The following EXOC4 variants were observed in gnomAD, a reference collection of about 807,000 sequenced individuals.
EXOC4 encodes SEC8-like 1.
EXOC4 carries 71 observed loss-of-function variants against 107.2 expected under a neutral mutation model. The observed-to-expected ratio is 0.66, with a 90% CI of 0.55 to 0.81. The LOEUF (loss-of-function observed/expected upper bound fraction) is 0.81, where lower values mean the gene tolerates loss of function less well. Ranked by LOEUF, EXOC4 falls within the 30% of genes least tolerant of loss-of-function variation. EXOC4 has a pLI of 0.00. For missense variants in EXOC4, 1,108 were observed against 1,189.6 expected, an observed-to-expected ratio of 0.93 and a Z score of 1.01; for synonymous variants, 456 against 441.2, an observed-to-expected ratio of 1.03 and a Z score of -0.42.
chr7:133,278,173 A>G (rs1794042110), intron 2 of EXOC4, among the ~76,000 whole-genome samples: 1 of 152,238 alleles, frequency 6.6e-6, no homozygotes, highest in Non-Finnish European at 1.5e-5. Context: ...TGCAAATGAG[A>G]GGATAGAAAA....
At chr7:133,364,175 G>C (rs1796196413) in intron 6 of EXOC4, among the ~76,000 whole-genome samples, 1 of 151,958 alleles carries the variant, frequency 6.6e-6, no homozygotes, top group Non-Finnish European at 1.5e-5. Context: ...GCTGAGGCTG[G>C]AATGTAGAGG....
rs766091745 is a variant in EXOC4, at chr7:134,029,341, C to T, written c.2687+21506C>T. Among the ~76,000 whole-genome samples, 38 of 152,202 alleles carry T rather than the reference C, an allele frequency of 2.5e-4. 1 individual carries two copies. The highest frequency in any genetic ancestry group is 6.2e-4 in the South Asian group (3 of 4,814). On this transcript the variant is annotated intron_variant, in intron 17 of 17. Coordinates refer to ENST00000253861, the MANE Select transcript of EXOC4 (RefSeq NM_021807.4). The stretch of plus-strand genomic sequence containing the variant: ...GAAAGAAGCCAGTCAAAAGAAACCA[C>T]GCACTTTATAATTTCATTCATATGA...
intron 17 of EXOC4, among the ~76,000 whole-genome samples, chr7:134,029,751 TCTCAAGCAGTC>T (rs1241125659): frequency 6.6e-6 from 1 of 152,056 alleles, no homozygotes; most frequent in Non-Finnish European, 1.5e-5. Flanking sequence ...AAACTCCTAT[TCTCAAGCAGTC>T]CTCCAGTGTC....
chr7:133,587,927 C>T (rs1801444908), intron 9 of EXOC4, among the ~76,000 whole-genome samples: 1 of 151,824 alleles, frequency 6.6e-6, no homozygotes, highest in Non-Finnish European at 1.5e-5. Context: ...TTTTTTTTCC[C>T]CTTAGGGGAG....
At chr7:133,684,056 A>T (rs933633563) in intron 10 of EXOC4, among the ~76,000 whole-genome samples, 1 of 152,132 alleles carries the variant, frequency 6.6e-6, no homozygotes, top group Non-Finnish European at 1.5e-5. Flanking sequence ...TTAAATATTT[A>T]TTGTTCTGCC....
At chr7:133,816,998 T>A (rs1302409561) in intron 10 of EXOC4, among the ~76,000 whole-genome samples, 1 of 152,232 alleles carries the variant, frequency 6.6e-6, no homozygotes, top group Non-Finnish European at 1.5e-5. Flanking sequence ...ATGTGCTTTT[T>A]AATTTCACAA....
intron 10 of EXOC4, among the ~76,000 whole-genome samples, chr7:133,689,553 A>G (rs1794375695): frequency 6.6e-6 from 1 of 152,246 alleles, no homozygotes; most frequent in Non-Finnish European, 1.5e-5. Context: ...ATTATTGCTG[A>G]AGGCAGGCCA....
chr7:133,999,674 A>C (rs1794486105), intron 15 of EXOC4, among the ~76,000 whole-genome samples: 1 of 152,228 alleles, frequency 6.6e-6, no homozygotes, highest in Admixed American at 6.5e-5. Flanking sequence ...TGAGTTACAA[A>C]GGAAAACAAG....
chr7:133,983,693 C>T (rs776242908), intron 14 of EXOC4, among the ~76,000 whole-genome samples: 1 of 148,092 alleles, frequency 6.8e-6, no homozygotes, highest in Non-Finnish European at 1.5e-5. Flanking sequence ...TAAAATTCTG[C>T]TAAGCTTAAA....
At chr7:133,931,749 A>G (rs1585257592) in intron 13 of EXOC4, among the ~76,000 whole-genome samples, 1 of 152,198 alleles carries the variant, frequency 6.6e-6, no homozygotes, top group East Asian at 1.9e-4. Flanking sequence ...TAATTGGAGA[A>G]GCTGTTCGAA....
At chr7:133,715,399 C>T (rs1794979193) in intron 10 of EXOC4, among the ~76,000 whole-genome samples, 1 of 152,056 alleles carries the variant, frequency 6.6e-6, no homozygotes, top group Non-Finnish European at 1.5e-5. Flanking sequence ...TGACTGCAGA[C>T]CACAAAAACG....
Position 134,064,681 on chromosome 7 carries a change from T to G in EXOC4, c.*153T>G. 1.9e-6 allele frequency: 1 copy of G among 519,394 alleles called. No homozygotes were observed. The allele number at this position is 519,394 out of a possible 1,614,324, so 32.2% of individuals were successfully genotyped here. On this transcript the variant is annotated 3_prime_UTR_variant, in exon 18 of 18. Coordinates refer to ENST00000253861, the MANE Select transcript of EXOC4 (RefSeq NM_021807.4). The stretch of plus-strand genomic sequence containing the variant: ...GATTCTTTCTCTCTGGTTTTGGCTT[T>G]TCATATAAATGCTAAAGGAAGGCGA...
intron 1 of EXOC4, among the ~76,000 whole-genome samples, chr7:133,256,270 C>T (rs1030167749): frequency 2.6e-5 from 4 of 152,206 alleles, no homozygotes; most frequent in African/African-American, 7.2e-5. Flanking sequence ...CGTGAGCCAC[C>T]GCGCCTGGTC....
At position 133,636,702 on chromosome 7, in the gene EXOC4, A is replaced by G. The variant is rs184676530; in HGVS notation, c.1514+6561A>G. ...TGCTGGAATATTGAATATCTGGGCT[A>G]TGAGCATTTTTCACTAGTAATTATT... On this transcript the variant is annotated intron_variant, in intron 10 of 17. Coordinates refer to ENST00000253861, the MANE Select transcript of EXOC4 (RefSeq NM_021807.4). Among the ~76,000 whole-genome samples, 57 of 152,322 alleles carry G rather than the reference A, an allele frequency of 3.7e-4. No homozygotes were observed. The East Asian group carries it at 8.7e-3, about 23-fold the overall frequency.
Position 133,756,032 on chromosome 7 carries a change from C to T in EXOC4, c.1515-61293C>T, listed in dbSNP as rs925541771. On this transcript the variant is annotated intron_variant, in intron 10 of 17. Coordinates refer to ENST00000253861, the MANE Select transcript of EXOC4 (RefSeq NM_021807.4). ...AACATCATGTTCTATCCCAACATAA[C>T]TTCTTTTAGTTCCATACCCTCCAGC... is the stretch of plus-strand genomic sequence containing the variant. Among the ~76,000 whole-genome samples the T allele has an allele frequency of 2.6e-5, 4 of 152,154 alleles. No individual in the cohort carries two copies. The East Asian group carries it at 5.8e-4, about 22-fold the overall frequency.
chr7:134,011,523 A>G (rs1290782453), intron 17 of EXOC4, among the ~76,000 whole-genome samples: 1 of 151,708 alleles, frequency 6.6e-6, no homozygotes, highest in African/African-American at 2.4e-5. Flanking sequence ...TTGGACTGGT[A>G]TCTTTCATTC....
chr7:133,297,731 C>T (rs1794550288), intron 3 of EXOC4, among the ~76,000 whole-genome samples: 1 of 151,972 alleles, frequency 6.6e-6, no homozygotes, highest in Non-Finnish European at 1.5e-5. Flanking sequence ...TTCCCCATGC[C>T]AGGTAAAAAG....
chr7:133,940,851 A>G (rs1800409720), intron 14 of EXOC4, among the ~76,000 whole-genome samples: 1 of 151,970 alleles, frequency 6.6e-6, no homozygotes, highest in Admixed American at 6.6e-5. Flanking sequence ...ACTAGAGAAC[A>G]TGAGGAAAAT....
chr7:133,995,825 A>G (rs1326316287), intron 14 of EXOC4, among the ~76,000 whole-genome samples: 1 of 152,110 alleles, frequency 6.6e-6, no homozygotes, highest in East Asian at 1.9e-4. Context: ...TTCTGGACTT[A>G]GCAAAGTTTA....
Sources: allele counts gnomAD v4.1 joint callset (sites outside exome capture counted in the v4.1 genomes callset), GRCh38; gene constraint gnomAD v4.1.1; transcripts MANE v1.5; gene names NCBI Gene and HGNC (gene_info 2026-07-23, HGNC 2026-07-21).